ATRNL1: variants seen among roughly 807,000 people sequenced by gnomAD.
ATRNL1 encodes the protein attractin like 1.
ATRNL1 carries 95 observed loss-of-function variants against 182.7 expected under a neutral mutation model. That is an observed-to-expected ratio of 0.52 (90% confidence interval 0.44 to 0.62). The LOEUF (loss-of-function observed/expected upper bound fraction) is 0.62, where lower values mean the gene tolerates loss of function less well. Ranked by LOEUF, ATRNL1 falls within the 20% of genes least tolerant of loss-of-function variation. ATRNL1 has a pLI of 0.00. For synonymous variants in ATRNL1, 576 were observed against 568.3 expected (o/e 1.01, Z -0.19); for missense variants, 1,471 against 1,679.5 (o/e 0.88, Z 2.17).
chr10:115,911,176 T>C (rs898503062), intron 28 of ATRNL1, among the ~76,000 whole-genome samples: 13 of 152,040 alleles, frequency 8.6e-5, no homozygotes, highest in African/African-American at 3.1e-4. Context: ...TTTTTTGTAT[T>C]TATAGTAGAT....
intron 25 of ATRNL1, among the ~76,000 whole-genome samples, chr10:115,528,995 T>G (rs2133737880): frequency 6.6e-6 from 1 of 152,266 alleles, no homozygotes; most frequent in Admixed American, 6.5e-5. Flanking sequence ...CACATTTATC[T>G]TTTAAAATCT....
At chr10:115,529,772 A>T (rs1206433201) in intron 25 of ATRNL1, among the ~76,000 whole-genome samples, 1 of 152,132 alleles carries the variant, frequency 6.6e-6, no homozygotes, top group African/African-American at 2.4e-5. Flanking sequence ...TATAATTCAC[A>T]TATAATACAA....
Position 115,253,945 on chromosome 10 carries a change from T to A in ATRNL1, c.1688-11248T>A, listed in dbSNP as rs375048461. ...ATGATGGTTTCCAGCTTCATCCATG[T>A]CCCTGCAAAGGACATGAACTCATCC... is the stretch of plus-strand genomic sequence containing the variant. On this transcript the variant is annotated intron_variant, in intron 10 of 28. Transcript: ENST00000355044. Among the ~76,000 whole-genome samples the A allele has an allele frequency of 7.9e-4, 121 of 152,268 alleles. 2 individuals are homozygous for A. The South Asian group carries it at 0.024, about 31-fold the overall frequency.
At chr10:115,142,922 A>G (rs1554878388) in intron 5 of ATRNL1, among the ~76,000 whole-genome samples, 1 of 152,194 alleles carries the variant, frequency 6.6e-6, no homozygotes, top group African/African-American at 2.4e-5. Context: ...ATCAACTAAT[A>G]TGAGGAAGAT....
chr10:115,845,858 G>T (rs1430893661), intron 27 of ATRNL1, among the ~76,000 whole-genome samples: 1 of 152,040 alleles, frequency 6.6e-6, no homozygotes, highest in Non-Finnish European at 1.5e-5. Context: ...TTTAAACCTT[G>T]AGTTTATTTT....
chr10:115,416,442 A>G lies in ATRNL1; in HGVS notation c.3270-9808A>G, dbSNP rs1554960888. Among the ~76,000 whole-genome samples, 3 of 152,146 alleles carry G rather than the reference A, an allele frequency of 2.0e-5. No individual in the cohort carries two copies. The South Asian group carries it at 6.2e-4, about 32-fold the overall frequency. ...GTTAATATAAACCACTTTAGATAATATATGTTTCTAATTTGCTTTTTTGAG... is the reference window on the plus strand; with the variant it reads ...GTTAATATAAACCACTTTAGATAATGTATGTTTCTAATTTGCTTTTTTGAG... On this transcript the variant is annotated intron_variant, in intron 20 of 28. Transcript: ENST00000355044.
intron 28 of ATRNL1, among the ~76,000 whole-genome samples, chr10:115,923,645 G>A (rs530718726): frequency 1.9e-4 from 29 of 152,012 alleles, no homozygotes; most frequent in Admixed American, 3.9e-4. Flanking sequence ...TTCTTTATCC[G>A]GTCTATCATT....
intron 25 of ATRNL1, among the ~76,000 whole-genome samples, chr10:115,537,851 A>G (rs1852129237): frequency 6.6e-6 from 1 of 152,110 alleles, no homozygotes; most frequent in South Asian, 2.1e-4. Context: ...CCAAAGCCCC[A>G]GTGAATACCT....
Position 115,410,328 on chromosome 10 carries a change from C to CTT in ATRNL1, c.3269+15589_3269+15590dup, listed in dbSNP as rs531844397. ...AGCCATTTCTCTTTAAAAATTGCTA[C>CTT]TTTTTTTTTTTTTTAACAGAGTCTT... On this transcript the variant is annotated intron_variant, in intron 20 of 28. Transcript: ENST00000355044. Among the ~76,000 whole-genome samples the CTT allele has an allele frequency of 9.4e-3, 1,345 of 142,810 alleles. 18 individuals are homozygous for CTT. The highest frequency in any genetic ancestry group is 0.03 in the African/African-American group (1,185 of 39,312). The allele number at this position is 142,810 out of a possible 152,430, so 93.7% of individuals were successfully genotyped here. A position where few individuals can be genotyped will look rare whatever the true frequency, so the allele number is the denominator to read the frequency against.
chr10:115,625,045 T>A (rs1555024247), intron 26 of ATRNL1, among the ~76,000 whole-genome samples: 2 of 151,848 alleles, frequency 1.3e-5, no homozygotes, highest in Non-Finnish European at 2.9e-5. Context: ...GGAAGGGAGG[T>A]TGCGAAACAA....
chr10:115,319,028 TA>T (rs1241015215), intron 18 of ATRNL1, among the ~76,000 whole-genome samples: 5 of 152,180 alleles, frequency 3.3e-5, no homozygotes, highest in African/African-American at 1.2e-4. Flanking sequence ...TGTGGGCATT[TA>T]GTGCTATAAA....
At chr10:115,223,887 A>ATATGTGTGTGTGTG (rs1554771070) in intron 9 of ATRNL1, among the ~76,000 whole-genome samples, 46 of 80,114 alleles carry the variant, frequency 5.7e-4, no homozygotes, top group African/African-American at 2.3e-3. Context: ...TATTTAATAT[A>ATATGTGTGTGTGTG]TGTGTGTGTG....
At chr10:115,165,749 A>G in intron 7 of ATRNL1, 104 bp downstream of exon 7, 1 of 512,970 alleles carries the variant, frequency 1.9e-6, no homozygotes. Context: ...TTTAATGAGA[A>G]CAATAGATTA....
intron 24 of ATRNL1, among the ~76,000 whole-genome samples, chr10:115,511,540 G>A (rs1850387791): frequency 6.6e-6 from 1 of 151,656 alleles, no homozygotes; most frequent in South Asian, 2.1e-4. Context: ...TATTATATCA[G>A]AGTTTATTAT....
chr10:115,685,189 A>G (rs968173487), intron 26 of ATRNL1, among the ~76,000 whole-genome samples: 7 of 151,816 alleles, frequency 4.6e-5, no homozygotes, highest in Non-Finnish European at 8.9e-5. Flanking sequence ...CCACAAAATT[A>G]TTATAACATA....
chr10:115,188,774 T>G (rs1489915056), intron 8 of ATRNL1, among the ~76,000 whole-genome samples: 1 of 152,102 alleles, frequency 6.6e-6, no homozygotes, highest in East Asian at 1.9e-4. Flanking sequence ...AAGTGTAAAT[T>G]GGACATTGAT....
chr10:115,182,672 G>A (rs916542356), intron 8 of ATRNL1, among the ~76,000 whole-genome samples: 2 of 151,408 alleles, frequency 1.3e-5, no homozygotes, highest in African/African-American at 2.4e-5. Flanking sequence ...GATTTCATAG[G>A]TGAATGATTA....
chr10:115,291,662 A>G (rs1852909629), intron 15 of ATRNL1, among the ~76,000 whole-genome samples: 1 of 152,032 alleles, frequency 6.6e-6, no homozygotes, highest in South Asian at 2.1e-4. Flanking sequence ...TTTGATGTTT[A>G]TTAATTTATG....
intron 21 of ATRNL1, among the ~76,000 whole-genome samples, chr10:115,428,863 C>T (rs1247038312): frequency 6.6e-6 from 1 of 152,006 alleles, no homozygotes; most frequent in African/African-American, 2.4e-5. Flanking sequence ...AGATTCCTAG[C>T]AATGTATAGT....
Sources: gnomAD v4.1 joint callset for allele counts (sites outside exome capture counted in the v4.1 genomes callset) on GRCh38, gnomAD v4.1.1 for gene constraint, MANE v1.5 for transcripts, NCBI Gene and HGNC (gene_info 2026-07-23, HGNC 2026-07-21) for gene names.